The following CNOT6 variants were observed in gnomAD, a reference collection of about 807,000 sequenced individuals.
CNOT6 encodes CCR4-NOT transcription complex subunit 6, also known as carbon catabolite repression 4 protein.
In CNOT6, 12 loss-of-function variants were observed where a neutral mutation model predicts 61.2. The observed-to-expected ratio is 0.20, with a 90% CI of 0.13 to 0.32. The LOEUF (loss-of-function observed/expected upper bound fraction) is 0.32. Ranked by LOEUF, CNOT6 falls within the 10% of genes least tolerant of loss-of-function variation. The pLI, the probability that CNOT6 is intolerant of heterozygous loss-of-function variation, is 1.00. For synonymous variants in CNOT6, 225 were observed against 240.6 expected, an observed-to-expected ratio of 0.94 and a Z score of 0.60; for missense variants, 405 against 663.9, an observed-to-expected ratio of 0.61 and a Z score of 4.28.
intron 4 of CNOT6, among the ~76,000 whole-genome samples, chr5:180,563,971 A>G (rs1450924912): frequency 6.6e-6 from 1 of 152,206 alleles, no homozygotes; most frequent in East Asian, 1.9e-4. Context: ...TCTTAAGCCA[A>G]GTCAGCCCCA....
chr5:180,563,797 TA>T (rs1179240280), intron 4 of CNOT6, among the ~76,000 whole-genome samples: 1 of 152,240 alleles, frequency 6.6e-6, no homozygotes, highest in East Asian at 1.9e-4. Context: ...TTGTTATTTG[TA>T]CTTTTATTTC....
chr5:180,516,023 A>G (rs944914887), intron 1 of CNOT6, among the ~76,000 whole-genome samples: 4 of 151,722 alleles, frequency 2.6e-5, no homozygotes, highest in Non-Finnish European at 5.9e-5. Context: ...CCATTCTCCC[A>G]CCTCAGCCTC....
intron 1 of CNOT6, among the ~76,000 whole-genome samples, chr5:180,523,034 G>A (rs1343070333): frequency 6.6e-6 from 1 of 152,198 alleles, no homozygotes; most frequent in African/African-American, 2.4e-5. Context: ...GAGAGGGGCA[G>A]TATTGTGGGA....
intron 2 of CNOT6, among the ~76,000 whole-genome samples, chr5:180,546,480 C>T (rs1759319913): frequency 6.6e-6 from 1 of 152,158 alleles, no homozygotes; most frequent in African/African-American, 2.4e-5. Flanking sequence ...CTGTCAAGTA[C>T]TAGTACACCT....
At position 180,576,005 on chromosome 5, in the gene CNOT6, T is replaced by C. The variant is rs1180078829; in HGVS notation, c.*1805T>C. 2 of 152,590 alleles carry C rather than the reference T, an allele frequency of 1.3e-5. No individual in the cohort carries two copies. Among genetic ancestry groups the C allele is most frequent in the Non-Finnish European group, 2.9e-5 (2 of 68,046 alleles). 9.5% of individuals were successfully genotyped at this position (152,590 alleles called of 1,614,324 possible). On this transcript the variant is annotated 3_prime_UTR_variant, in exon 12 of 12. Coordinates refer to ENST00000261951, the MANE Select transcript of CNOT6 (RefSeq NM_001370472.1). Reference sequence around the variant, plus strand: ...TTTGTTTTTTGTTTTTTCTAGGATTTCATTGTGATGTTTTGGTTTTGTTTT... The same window carrying C: ...TTTGTTTTTTGTTTTTTCTAGGATTCCATTGTGATGTTTTGGTTTTGTTTT...
At chr5:180,518,032 A>G (rs930258800) in intron 1 of CNOT6, among the ~76,000 whole-genome samples, 2 of 152,058 alleles carry the variant, frequency 1.3e-5, no homozygotes, top group Non-Finnish European at 2.9e-5. Flanking sequence ...CTTGATTACT[A>G]TAGTAGTTTC....
intron 1 of CNOT6, among the ~76,000 whole-genome samples, chr5:180,511,298 T>C (rs62405523): frequency 0.46 from 69,264 of 151,478 alleles, 17,048 homozygotes; most frequent in Non-Finnish European, 0.56. Flanking sequence ...GGCAACATGG[T>C]GAAACCTTGT....
intron 1 of CNOT6, among the ~76,000 whole-genome samples, chr5:180,525,730 C>T (rs1758069838): frequency 6.6e-6 from 1 of 152,012 alleles, no homozygotes; most frequent in South Asian, 2.1e-4. Context: ...AATTGCAACT[C>T]TGCAGGAAGA....
chr5:180,574,297 T>C lies in CNOT6; in HGVS notation c.*97T>C. The C allele has an allele frequency of 1.0e-6, 1 of 987,306 alleles. No individual in the cohort carries two copies. The allele number at this position is 987,306 out of a possible 1,614,324, so 61.2% of individuals were successfully genotyped here. ...ATGGCCACTGAGGATTTTTGCTTGCTTAAGAATGATTTGGACTTTCAATCT... is the reference window on the plus strand; with the variant it reads ...ATGGCCACTGAGGATTTTTGCTTGCCTAAGAATGATTTGGACTTTCAATCT... On this transcript the variant is annotated 3_prime_UTR_variant, in exon 12 of 12. Coordinates refer to ENST00000261951, the MANE Select transcript of CNOT6 (RefSeq NM_001370472.1).
At chr5:180,565,459 C>T (rs927755529) in intron 6 of CNOT6, among the ~76,000 whole-genome samples, 6 of 152,198 alleles carry the variant, frequency 3.9e-5, no homozygotes, top group African/African-American at 1.4e-4. Context: ...ATTAAGGATA[C>T]TACCTATCCA....
At chr5:180,505,205 C>T (rs1186442171) in intron 1 of CNOT6, among the ~76,000 whole-genome samples, 1 of 149,488 alleles carries the variant, frequency 6.7e-6, no homozygotes, top group Non-Finnish European at 1.5e-5. Context: ...CGTGATCCAC[C>T]CACCTCTGCC....
chr5:180,532,708 A>C (rs13174261), intron 2 of CNOT6, among the ~76,000 whole-genome samples: 70,949 of 151,914 alleles, frequency 0.47, 17,586 homozygotes, highest in Non-Finnish European at 0.56. Flanking sequence ...GCCCTCTCCC[A>C]CTTCTATCAC....
intron 1 of CNOT6, among the ~76,000 whole-genome samples, chr5:180,500,941 T>G (rs1375222117): frequency 1.3e-5 from 2 of 151,872 alleles, no homozygotes; most frequent in African/African-American, 4.8e-5. Flanking sequence ...TGGATAGGGA[T>G]TTGTTAGGTT....
intron 4 of CNOT6, among the ~76,000 whole-genome samples, chr5:180,557,005 C>G (rs1471924516): frequency 6.6e-6 from 1 of 151,764 alleles, no homozygotes; most frequent in Non-Finnish European, 1.5e-5. Context: ...TGTATGCGGT[C>G]TTTTGAGATG....
At chr5:180,569,905 CAGT>C (rs1363897163) in intron 10 of CNOT6, among the ~76,000 whole-genome samples, 1 of 152,194 alleles carries the variant, frequency 6.6e-6, no homozygotes, top group African/African-American at 2.4e-5. Context: ...ATACAATAAA[CAGT>C]AGCCCTTGTA....
In CNOT6 at chr5:180,570,442, T is replaced by C. The variant is rs201721603; in HGVS notation, c.1259-788T>C. ...GAAAATCAAAGCTATCTGAAATCTG[T>C]AATTATTTCATCTCATCAAGTTATC... On this transcript the variant is annotated intron_variant, in intron 10 of 11. Transcript: ENST00000261951. Among the ~76,000 whole-genome samples the C allele has an allele frequency of 3.3e-5, 5 of 152,318 alleles. No individual in the cohort carries two copies. In the East Asian group the frequency reaches 9.6e-4, roughly 29 times the overall value.
intron 2 of CNOT6, among the ~76,000 whole-genome samples, chr5:180,535,998 T>TG: frequency 1.7e-5 from 2 of 120,136 alleles, no homozygotes; most frequent in African/African-American, 6.3e-5. Context: ...GTTTTTTTTT[T>TG]TTTTTTTTTT....
At position 180,529,342 on chromosome 5, in the gene CNOT6, A is replaced by G. The variant is rs151053718; in HGVS notation, c.66A>G (p.Glu22=). 4.0e-5 allele frequency: 65 copies of G among 1,613,796 alleles called. 1 individual carries two copies. The highest frequency in any genetic ancestry group is 2.4e-4 in the South Asian group (22 of 90,996). The change falls in exon 2 of 12, where the codon GAA becomes GAG. Residue 22 remains glutamate (E), a synonymous_variant. Transcript: ENST00000261951. ...TGTATACAATTATGTCTTCTGAGGA[A>G]GCAGCAAATGGAAAGAAATCCCACT... is the stretch of plus-strand genomic sequence containing the variant. ...RRMYTIMSSE[E]AANGKKSHWA... is the part of the protein sequence containing the mutation.
intron 1 of CNOT6, among the ~76,000 whole-genome samples, chr5:180,496,552 C>A (rs775158193): frequency 1.2e-4 from 18 of 152,126 alleles, no homozygotes; most frequent in Non-Finnish European, 2.4e-4. Context: ...AAAGATGATG[C>A]AATTGCCAGG....
Sources: gnomAD v4.1 joint callset for allele counts (sites outside exome capture counted in the v4.1 genomes callset) on GRCh38, gnomAD v4.1.1 for gene constraint, MANE v1.5 for transcripts, NCBI Gene and HGNC (gene_info 2026-07-23, HGNC 2026-07-21) for gene names.